Variants in STAU1 observed in about 807,000 individuals in gnomAD.
STAU1 encodes the protein double-stranded RNA-binding protein Staufen homolog 1.
Under a neutral mutation model 62.9 loss-of-function variants are expected in STAU1, and 13 were observed. That is an observed-to-expected ratio of 0.21 (90% CI 0.13 to 0.33). The LOEUF is 0.33. Among genes scored for constraint, STAU1 ranks in the 10% least tolerant of loss-of-function variants. The probability of loss-of-function intolerance (pLI) is 1.00; values close to 1 mark genes in which losing one functional copy is unlikely to be tolerated. For missense variants in STAU1, 571 were observed against 712.1 expected (o/e 0.80, Z 2.25); for synonymous variants, 269 against 265.1 (o/e 1.01, Z -0.14).
At chr20:49,210,228 T>C in the STAU1 span, among the ~76,000 whole-genome samples, 9 of 152,238 alleles carry the variant, frequency 5.9e-5, no homozygotes, top group South Asian at 1.7e-3. Flanking sequence ...CATGAGTTCC[T>C]TTTGCATAGT....
At chr20:49,159,370 A>G (rs1033246700) in intron 3 of STAU1, among the ~76,000 whole-genome samples, 1 of 152,194 alleles carries the variant, frequency 6.6e-6, no homozygotes, top group African/African-American at 2.4e-5. Context: ...ACTTGTGGGT[A>G]AAAAGAAAAT....
At chr20:49,204,499 G>A in the STAU1 span, among the ~76,000 whole-genome samples, 1 of 148,382 alleles carries the variant, frequency 6.7e-6, no homozygotes, top group Non-Finnish European at 1.5e-5. Flanking sequence ...CTCGTTCTGA[G>A]GATCACTTAG....
At chr20:49,148,685 C>T (rs917478827) in intron 5 of STAU1, among the ~76,000 whole-genome samples, 1 of 152,210 alleles carries the variant, frequency 6.6e-6, no homozygotes, top group African/African-American at 2.4e-5. Context: ...CCCAGCAAAG[C>T]TCCTCAGAGA....
At chr20:49,124,333 A>G (rs968228075) in intron 7 of STAU1, 42 bp downstream of exon 7, 13 of 1,598,228 alleles carry the variant, frequency 8.1e-6, no homozygotes, top group East Asian at 4.5e-5. Context: ...CCACCCATCT[A>G]TAAGTAATGA....
intron 13 of STAU1, 41 bp from the exon 14 acceptor site, chr20:49,114,934 G>GT: frequency 6.2e-7 from 1 of 1,600,442 alleles, no homozygotes; most frequent in Non-Finnish European, 8.6e-7. Context: ...GTTTTGAAAT[G>GT]TAAGAGAATT....
chr20:49,126,793 C>T (rs1384337069), intron 6 of STAU1, among the ~76,000 whole-genome samples: 1 of 151,384 alleles, frequency 6.6e-6, no homozygotes, highest in Non-Finnish European at 1.5e-5. Context: ...TTGGCAAACA[C>T]ACCAAAACAA....
chr20:49,134,917 G>A (rs1191599591), intron 6 of STAU1: 5 of 1,593,704 alleles, frequency 3.1e-6, no homozygotes, highest in Non-Finnish European at 4.3e-6. Context: ...GACTTTGTGA[G>A]GAAGTTTTCG....
intron 6 of STAU1, among the ~76,000 whole-genome samples, chr20:49,125,212 A>AAAAAAAAC (rs1372970832): frequency 6.8e-6 from 1 of 146,634 alleles, no homozygotes; most frequent in African/African-American, 2.5e-5. Context: ...AAAAAAAAAA[A>AAAAAAAAC]AAAAAAAAAA....
the STAU1 span, among the ~76,000 whole-genome samples, chr20:49,207,392 G>T: frequency 2.0e-5 from 3 of 152,154 alleles, no homozygotes; most frequent in Non-Finnish European, 4.4e-5. Context: ...GGAAGGCTTG[G>T]GTGGAAGAAA....
intron 3 of STAU1, among the ~76,000 whole-genome samples, chr20:49,159,561 TTTAA>T (rs2093418648): frequency 1.3e-5 from 2 of 152,132 alleles, no homozygotes; most frequent in African/African-American, 4.8e-5. Context: ...CTATTTTTAT[TTTAA>T]TTAATTATTT....
At chr20:49,143,192 G>A (rs1276201153) in intron 5 of STAU1, among the ~76,000 whole-genome samples, 1 of 152,174 alleles carries the variant, frequency 6.6e-6, no homozygotes, top group Non-Finnish European at 1.5e-5. Context: ...ACCATTCCCA[G>A]TAAAATGAGG....
chr20:49,195,061 C>T, the STAU1 span, among the ~76,000 whole-genome samples: 1 of 151,898 alleles, frequency 6.6e-6, no homozygotes, highest in African/African-American at 2.4e-5. Context: ...ATTCGGAATC[C>T]TTAAAGGAAA....
At position 49,117,686 on chromosome 20, in the gene STAU1, A is replaced by G; in HGVS notation, c.1509+91T>C. 7.2e-7 allele frequency: 1 copy of G among 1,382,442 alleles called. No individual in the cohort carries two copies. 85.6% of individuals were successfully genotyped at this position (1,382,442 alleles called of 1,614,324 possible). A position where few individuals can be genotyped will look rare whatever the true frequency, so the allele number is the denominator to read the frequency against. ...CCCTGGACAGAACTTGATTTAAGAA[A>G]AAAGTACAAAGTTCAAAGTTCATTT... On this transcript the variant is annotated intron_variant, in intron 11 of 13. Coordinates refer to ENST00000371856, the MANE Select transcript of STAU1 (RefSeq NM_017453.4). The surrounding 1 kb of genome is among the most constrained non-coding windows in gnomAD (Gnocchi z 4.6).
At chr20:49,140,743 T>C (rs2092989258) in intron 5 of STAU1, among the ~76,000 whole-genome samples, 1 of 152,178 alleles carries the variant, frequency 6.6e-6, no homozygotes, top group Non-Finnish European at 1.5e-5. Flanking sequence ...AAACCAAGAA[T>C]GTATTTTAAT....
chr20:49,138,326 T>TA (rs1034754412), intron 5 of STAU1, among the ~76,000 whole-genome samples: 2 of 152,136 alleles, frequency 1.3e-5, no homozygotes, highest in East Asian at 1.9e-4. Flanking sequence ...AACTCTAGGT[T>TA]AAAAAAATAT....
intron 8 of STAU1, among the ~76,000 whole-genome samples, chr20:49,121,720 A>G (rs1335962441): frequency 6.6e-6 from 1 of 152,250 alleles, no homozygotes; most frequent in South Asian, 2.1e-4. Context: ...AGTAAAATTT[A>G]TAACACACAT....
intron 1 of STAU1, among the ~76,000 whole-genome samples, chr20:49,181,438 C>A (rs1335415911): frequency 6.6e-6 from 1 of 152,164 alleles, no homozygotes; most frequent in African/African-American, 2.4e-5. Flanking sequence ...AACCAACCCA[C>A]TCACTGAGCA....
At chr20:49,196,713 A>G in the STAU1 span, among the ~76,000 whole-genome samples, 2 of 151,732 alleles carry the variant, frequency 1.3e-5, no homozygotes, top group Admixed American at 6.6e-5. Context: ...TGCAGGCTGC[A>G]GTGAACAGAC....
Position 49,126,577 on chromosome 20 carries a change from A to AAAAAAAAACAACAAAAAAAAAAAC in STAU1, c.610-1991_610-1990insGTTTTTTTTTTTGTTGTTTTTTTT, listed in dbSNP as rs1555837193. Among the ~76,000 whole-genome samples, 4 of 35,070 alleles carry AAAAAAAAACAACAAAAAAAAAAAC rather than the reference A, an allele frequency of 1.1e-4. No homozygotes were observed. The South Asian group carries it at 2.7e-3, about 24-fold the overall frequency. 23.0% of individuals were successfully genotyped at this position (35,070 alleles called of 152,430 possible). A position where few individuals can be genotyped will look rare whatever the true frequency, so the allele number is the denominator to read the frequency against. Reference sequence around the variant, plus strand: ...AGCAAAACCTCGTCTCAAAAAGCAAAAAAAAAAAAACAAAAAAAAAACAAA... The same window carrying AAAAAAAAACAACAAAAAAAAAAAC: ...AGCAAAACCTCGTCTCAAAAAGCAAAAAAAAAAACAACAAAAAAAAAAACAAAAAAAAAACAAAAAAAAAACAAA... On this transcript the variant is annotated intron_variant, in intron 6 of 13. Transcript: ENST00000371856.
Sources: gnomAD v4.1 joint callset for allele counts (sites outside exome capture counted in the v4.1 genomes callset) on GRCh38, gnomAD v4.1.1 for gene constraint, Gnocchi (gnomAD v3.1) non-coding constraint, MANE v1.5 for transcripts, NCBI Gene and HGNC (gene_info 2026-07-23, HGNC 2026-07-21) for gene names.